Variants in LRRTM4 observed in about 807,000 individuals in gnomAD.
The protein encoded by LRRTM4 is leucine rich repeat transmembrane neuronal 4.
Under a neutral mutation model 47.6 loss-of-function variants are expected in LRRTM4, and 25 were observed. That is an observed-to-expected ratio of 0.53 (90% confidence interval 0.38 to 0.73). LRRTM4 has a LOEUF of 0.73. Ranked by LOEUF, LRRTM4 falls within the 30% of genes least tolerant of loss-of-function variation. The pLI, the probability that LRRTM4 is intolerant of heterozygous loss-of-function variation, is 0.00. For missense variants in LRRTM4, 638 were observed against 713.4 expected, an observed-to-expected ratio of 0.89 and a Z score of 1.20; for synonymous variants, 311 against 269.5, an observed-to-expected ratio of 1.15 and a Z score of -1.51.
chr2:77,127,694 A>G (rs909049380), intron 3 of LRRTM4, among the ~76,000 whole-genome samples: 1 of 152,188 alleles, frequency 6.6e-6, no homozygotes, highest in African/African-American at 2.4e-5. Flanking sequence ...CAGTTGTGAC[A>G]AGAACAAGTC....
At chr2:76,938,534 C>T (rs1489742994) in intron 3 of LRRTM4, among the ~76,000 whole-genome samples, 1 of 152,000 alleles carries the variant, frequency 6.6e-6, no homozygotes, top group Non-Finnish European at 1.5e-5. Flanking sequence ...GATTTCACTC[C>T]TGTTATGTTT....
At chr2:76,831,156 A>G (rs1671340018) in intron 3 of LRRTM4, among the ~76,000 whole-genome samples, 1 of 152,126 alleles carries the variant, frequency 6.6e-6, no homozygotes, top group African/African-American at 2.4e-5. Flanking sequence ...CATGGCTAAC[A>G]ATATAATGAA....
At chr2:77,015,485 C>T (rs1287033908) in intron 3 of LRRTM4, among the ~76,000 whole-genome samples, 1 of 151,846 alleles carries the variant, frequency 6.6e-6, no homozygotes, top group African/African-American at 2.4e-5. Flanking sequence ...ACAGGCATGC[C>T]CAGCCAATTT....
At chr2:77,005,013 G>T (rs1677583960) in intron 3 of LRRTM4, among the ~76,000 whole-genome samples, 1 of 152,116 alleles carries the variant, frequency 6.6e-6, no homozygotes, top group Non-Finnish European at 1.5e-5. Context: ...TAATTAACTT[G>T]TATTTGATTT....
intron 3 of LRRTM4, among the ~76,000 whole-genome samples, chr2:77,167,290 A>T (rs985198187): frequency 6.6e-6 from 1 of 152,222 alleles, no homozygotes; most frequent in Non-Finnish European, 1.5e-5. Flanking sequence ...ATCATTAAAA[A>T]GTCAGGAAAC....
At chr2:77,339,184 CCAAATCTCAGCAT>C (rs1298001812) in intron 3 of LRRTM4, among the ~76,000 whole-genome samples, 1 of 151,774 alleles carries the variant, frequency 6.6e-6, no homozygotes, top group African/African-American at 2.4e-5. Flanking sequence ...CAACAGAAGC[CCAAATCTCAGCAT>C]CATGCAATAT....
At chr2:77,481,446 A>G (rs917459751) in intron 3 of LRRTM4, among the ~76,000 whole-genome samples, 1 of 152,196 alleles carries the variant, frequency 6.6e-6, no homozygotes, top group Non-Finnish European at 1.5e-5. Flanking sequence ...TGCAGAATGA[A>G]CAGATTAGGG....
In LRRTM4 at chr2:77,110,717, A is replaced by C. The variant is rs143332998; in HGVS notation, c.1552-361801T>G. On this transcript the variant is annotated intron_variant, in intron 3 of 3. Transcript: ENST00000409884. ...AATTATTAATAATTTTACTATAAAA[A>C]TACATCTGTATAAAAGCATAGATAG... 8.0e-4 allele frequency among the ~76,000 whole-genome samples: 122 copies of C among 152,310 alleles called. 3 individuals carry two copies. In the East Asian group the frequency reaches 0.016, roughly 20 times the overall value.
At position 76,926,690 on chromosome 2, in the gene LRRTM4, T is replaced by C. The variant is rs1433083096; in HGVS notation, c.1552-177774A>G. On this transcript the variant is annotated intron_variant, in intron 3 of 3. Coordinates refer to ENST00000409884, the MANE Select transcript of LRRTM4 (RefSeq NM_001134745.3). ...AGTCTGACCCCTTCTTGCTCTCTCT[T>C]GCCCTCTCTTTGTCCTTCTGCCATG... 3.3e-5 allele frequency among the ~76,000 whole-genome samples: 5 copies of C among 152,142 alleles called. No individual in the cohort carries two copies. The East Asian group carries it at 7.7e-4, about 23-fold the overall frequency.
intron 3 of LRRTM4, among the ~76,000 whole-genome samples, chr2:77,310,886 G>A (rs1195610507): frequency 6.6e-6 from 1 of 151,918 alleles, no homozygotes; most frequent in Non-Finnish European, 1.5e-5. Context: ...AGAATATTGT[G>A]AGTGTGGTGT....
intron 3 of LRRTM4, among the ~76,000 whole-genome samples, chr2:76,756,884 C>A (rs985446441): frequency 6.6e-6 from 1 of 152,050 alleles, no homozygotes; most frequent in Non-Finnish European, 1.5e-5. Context: ...TCATTGAACT[C>A]CCTCATCTAA....
chr2:77,315,948 A>G (rs1341666929), intron 3 of LRRTM4, among the ~76,000 whole-genome samples: 2 of 152,212 alleles, frequency 1.3e-5, no homozygotes, highest in African/African-American at 4.8e-5. Flanking sequence ...CAAAGTAATT[A>G]GCAAACATAG....
intron 3 of LRRTM4, among the ~76,000 whole-genome samples, chr2:77,285,340 T>TTATTTATATATATA: frequency 1.2e-5 from 1 of 82,610 alleles, no homozygotes; most frequent in South Asian, 5.5e-4. Context: ...AGCATTAAAT[T>TTATTTATATATATA]TATATATATA....
chr2:77,428,052 A>C (rs1211726565), intron 3 of LRRTM4, among the ~76,000 whole-genome samples: 1 of 152,150 alleles, frequency 6.6e-6, no homozygotes, highest in African/African-American at 2.4e-5. Context: ...AGTTCTCACA[A>C]GATCTGATGG....
chr2:77,294,790 A>G (rs1676926296), intron 3 of LRRTM4, among the ~76,000 whole-genome samples: 1 of 152,178 alleles, frequency 6.6e-6, no homozygotes, highest in African/African-American at 2.4e-5. Flanking sequence ...CTTTGCAGCA[A>G]CTATGGCAAC....
chr2:76,851,600 T>C (rs144232809), intron 3 of LRRTM4, among the ~76,000 whole-genome samples: 1 of 152,200 alleles, frequency 6.6e-6, no homozygotes, highest in African/African-American at 2.4e-5. Flanking sequence ...TCTGCTAGAC[T>C]AACTGTTGCT....
chr2:77,221,988 G>GAAATTATAAC (rs1674649673), intron 3 of LRRTM4, among the ~76,000 whole-genome samples: 2 of 152,132 alleles, frequency 1.3e-5, no homozygotes, highest in African/African-American at 4.8e-5. Flanking sequence ...TGAAAGAACA[G>GAAATTATAAC]AAATTATAAC....
chr2:76,813,105 A>T (rs1461874710), intron 3 of LRRTM4, among the ~76,000 whole-genome samples: 1 of 152,026 alleles, frequency 6.6e-6, no homozygotes, highest in East Asian at 1.9e-4. Context: ...TGGAGGTTCC[A>T]GTGAGCCAAG....
intron 3 of LRRTM4, among the ~76,000 whole-genome samples, chr2:76,921,858 T>C (rs1674442871): frequency 6.6e-6 from 1 of 152,094 alleles, no homozygotes; most frequent in African/African-American, 2.4e-5. Flanking sequence ...CCTGAGTCCT[T>C]TTATTTAGAA....
Sources: allele counts gnomAD v4.1 joint callset (sites outside exome capture counted in the v4.1 genomes callset), GRCh38; gene constraint gnomAD v4.1.1; transcripts MANE v1.5; gene names NCBI Gene and HGNC (gene_info 2026-07-23, HGNC 2026-07-21).